Variants in ARHGAP15 observed in about 807,000 individuals in gnomAD.
The protein encoded by ARHGAP15 is rho GTPase-activating protein 15.
A neutral mutation model predicts 63.7 loss-of-function variants in ARHGAP15; 51 were observed. That is an observed-to-expected ratio of 0.80 (90% CI 0.64 to 1.01). The LOEUF (loss-of-function observed/expected upper bound fraction) is 1.01. ARHGAP15 is among the 50% of genes least tolerant of loss of function. The pLI, the probability that ARHGAP15 is intolerant of heterozygous loss-of-function variation, is 0.00. For missense variants in ARHGAP15, 560 were observed against 564.6 expected (o/e 0.99, Z 0.08); for synonymous variants, 191 against 193.8 (o/e 0.99, Z 0.12).
chr2:143,647,627 G>C (rs1012655613), intron 12 of ARHGAP15, among the ~76,000 whole-genome samples: 1 of 151,990 alleles, frequency 6.6e-6, no homozygotes, highest in Non-Finnish European at 1.5e-5. Flanking sequence ...GTAATTGTAA[G>C]AGGACAAGCC....
intron 6 of ARHGAP15, among the ~76,000 whole-genome samples, chr2:143,360,257 G>A (rs1383101066): frequency 3.3e-5 from 5 of 151,744 alleles, no homozygotes; most frequent in East Asian, 1.9e-4. Context: ...GGTGGTGCTC[G>A]GCTGTAGTCC....
chr2:143,516,135 G>A (rs1290602687), intron 9 of ARHGAP15, among the ~76,000 whole-genome samples: 6 of 152,174 alleles, frequency 3.9e-5, no homozygotes, highest in Non-Finnish European at 5.9e-5. Context: ...ATGATAAAAT[G>A]TTCTTACCTG....
rs1698813889 is a variant in ARHGAP15, at chr2:143,625,836, C to T, written c.1138+1569C>T. Among the ~76,000 whole-genome samples, 4 of 152,150 alleles carry T rather than the reference C, an allele frequency of 2.6e-5. No individual in the cohort carries two copies. In the South Asian group the frequency reaches 8.3e-4, roughly 32 times the overall value. ...TAAATTTCACATCATCATCTCCACACATTCAAGTGAGGATGATCTCATTTG... is the reference window on the plus strand; with the variant it reads ...TAAATTTCACATCATCATCTCCACATATTCAAGTGAGGATGATCTCATTTG... On this transcript the variant is annotated intron_variant, in intron 12 of 13. Transcript: ENST00000295095.
chr2:143,335,402 C>A (rs1036208832), intron 6 of ARHGAP15, among the ~76,000 whole-genome samples: 1 of 152,140 alleles, frequency 6.6e-6, no homozygotes, highest in African/African-American at 2.4e-5. Context: ...GTTTTAGATG[C>A]TGAGTCAGAG....
intron 2 of ARHGAP15, among the ~76,000 whole-genome samples, chr2:143,191,151 A>G (rs62171677): frequency 0.17 from 25,764 of 152,202 alleles, 2,376 homozygotes; most frequent in Middle Eastern, 0.25. Context: ...AGGAACATAA[A>G]CCCCAAGTAT....
At chr2:143,134,229 A>G (rs942008215) in intron 1 of ARHGAP15, among the ~76,000 whole-genome samples, 1 of 152,284 alleles carries the variant, frequency 6.6e-6, no homozygotes, top group Non-Finnish European at 1.5e-5. Flanking sequence ...CAGAAATAAC[A>G]TTTATGAGAC....
At chr2:143,567,154 G>C (rs539999689) in intron 11 of ARHGAP15, among the ~76,000 whole-genome samples, 11 of 152,160 alleles carry the variant, frequency 7.2e-5, no homozygotes, top group Admixed American at 2.0e-4. Context: ...GCATTACAGG[G>C]GTGAGCCACA....
In ARHGAP15 at chr2:143,702,274, C is replaced by G. The variant is rs1338518796; in HGVS notation, c.1139-1145C>G. On this transcript the variant is annotated intron_variant, in intron 12 of 13. Transcript: ENST00000295095. ...GGTTAAAACTGTGGAAAGATGAATT[C>G]CCTAGTGTACTAAGTAAATCAATTT... Among the ~76,000 whole-genome samples, 4 of 152,090 alleles carry G rather than the reference C, an allele frequency of 2.6e-5. No individual in the cohort carries two copies. The East Asian group carries it at 7.7e-4, about 29-fold the overall frequency.
At chr2:143,248,318 T>C (rs1574149453) in intron 5 of ARHGAP15, among the ~76,000 whole-genome samples, 1 of 152,232 alleles carries the variant, frequency 6.6e-6, no homozygotes, top group East Asian at 1.9e-4. Flanking sequence ...ACAGGTGGTG[T>C]AAAGGACCTA....
intron 10 of ARHGAP15, among the ~76,000 whole-genome samples, chr2:143,538,492 C>T (rs1348529428): frequency 4.6e-5 from 7 of 152,264 alleles, no homozygotes; most frequent in African/African-American, 7.2e-5. Context: ...TTTTTGTCCA[C>T]TCAGTATGAT....
intron 2 of ARHGAP15, among the ~76,000 whole-genome samples, chr2:143,199,815 A>T (rs188379425): frequency 6.6e-6 from 1 of 152,096 alleles, no homozygotes; most frequent in Non-Finnish European, 1.5e-5. Context: ...GACACAGCCT[A>T]AAGTTCCATC....
chr2:143,395,977 C>T (rs1558942879), intron 6 of ARHGAP15, among the ~76,000 whole-genome samples: 1 of 152,086 alleles, frequency 6.6e-6, no homozygotes, highest in East Asian at 1.9e-4. Flanking sequence ...GAAGATGATG[C>T]TAGTCAAAAT....
At chr2:143,572,989 C>T (rs1392104182) in intron 11 of ARHGAP15, among the ~76,000 whole-genome samples, 2 of 151,998 alleles carry the variant, frequency 1.3e-5, no homozygotes, top group Non-Finnish European at 2.9e-5. Context: ...CCTCTAGATA[C>T]CTTTATATTT....
At chr2:143,471,456 AG>A (rs1691572517) in intron 8 of ARHGAP15, among the ~76,000 whole-genome samples, 1 of 152,090 alleles carries the variant, frequency 6.6e-6, no homozygotes, top group Admixed American at 6.5e-5. Flanking sequence ...AGAAGAAAAA[AG>A]AGATATTATT....
At chr2:143,724,069 G>GTGTGTGTGTGTGTA (rs1685179197) in intron 13 of ARHGAP15, among the ~76,000 whole-genome samples, 1 of 151,740 alleles carries the variant, frequency 6.6e-6, no homozygotes, top group Non-Finnish European at 1.5e-5. Flanking sequence ...GTGTGTGTGT[G>GTGTGTGTGTGTGTA]TGTGTATGTG....
chr2:143,290,429 G>GA (rs371602011), intron 6 of ARHGAP15, among the ~76,000 whole-genome samples: 213 of 138,844 alleles, frequency 1.5e-3, no homozygotes, highest in Non-Finnish European at 1.8e-3. Flanking sequence ...TCCAAAAAAA[G>GA]AAAAAAAAAA....
chr2:143,571,324 A>C (rs955645509), intron 11 of ARHGAP15, among the ~76,000 whole-genome samples: 47 of 152,216 alleles, frequency 3.1e-4, no homozygotes, highest in Admixed American at 2.9e-3. Flanking sequence ...GTCTTCCACG[A>C]AACTGGTCCC....
intron 3 of ARHGAP15, among the ~76,000 whole-genome samples, chr2:143,210,737 T>C (rs1310704622): frequency 1.3e-5 from 2 of 152,166 alleles, no homozygotes; most frequent in Non-Finnish European, 1.5e-5. Flanking sequence ...AATTTCATGC[T>C]GAAATCAAAC....
intron 6 of ARHGAP15, among the ~76,000 whole-genome samples, chr2:143,284,037 A>G (rs1366810451): frequency 6.6e-6 from 1 of 152,104 alleles, no homozygotes; most frequent in Non-Finnish European, 1.5e-5. Flanking sequence ...TTCAAAATAA[A>G]CAAGCTGAAT....
Sources: allele counts gnomAD v4.1 joint callset (sites outside exome capture counted in the v4.1 genomes callset), GRCh38; gene constraint gnomAD v4.1.1; transcripts MANE v1.5; gene names NCBI Gene and HGNC (gene_info 2026-07-23, HGNC 2026-07-21).